ADCY2: variants seen among roughly 807,000 people sequenced by gnomAD.
The protein encoded by ADCY2 is adenylate cyclase 2, also known as adenylate cyclase type 2.
Under a neutral mutation model 125.2 loss-of-function variants are expected in ADCY2, and 31 were observed. That is an observed-to-expected ratio of 0.25 (90% CI 0.19 to 0.33). The LOEUF is 0.33. Ranked by LOEUF, ADCY2 falls within the 10% of genes least tolerant of loss-of-function variation. ADCY2 has a pLI of 1.00. For synonymous variants in ADCY2, 512 were observed against 548.4 expected (o/e 0.93, Z 0.93); for missense variants, 904 against 1,418.2 (o/e 0.64, Z 5.82).
At chr5:7,461,271 C>T (rs1037673349) in intron 2 of ADCY2, among the ~76,000 whole-genome samples, 4 of 152,164 alleles carry the variant, frequency 2.6e-5, no homozygotes, top group Non-Finnish European at 5.9e-5. Flanking sequence ...GAGTGTTGTT[C>T]TTTGGCTGAG....
At chr5:7,636,894 G>A (rs781714151) in intron 4 of ADCY2, among the ~76,000 whole-genome samples, 21 of 152,148 alleles carry the variant, frequency 1.4e-4, no homozygotes, top group Non-Finnish European at 2.4e-4. Context: ...GACAGGAGGT[G>A]CGGAAGCCAT....
intron 3 of ADCY2, among the ~76,000 whole-genome samples, chr5:7,584,522 A>C (rs73048171): frequency 6.6e-6 from 1 of 152,096 alleles, no homozygotes; most frequent in Admixed American, 6.5e-5. Flanking sequence ...AAAAGAAGAA[A>C]GTATAGACAC....
intron 3 of ADCY2, among the ~76,000 whole-genome samples, chr5:7,538,315 A>G (rs1396637904): frequency 6.6e-6 from 1 of 152,174 alleles, no homozygotes; most frequent in African/African-American, 2.4e-5. Flanking sequence ...AATTTTAGTA[A>G]GTGATTTAGC....
rs539753637 is a variant in ADCY2, at chr5:7,599,022, G to A, written c.571-27145G>A. Among the ~76,000 whole-genome samples the A allele has an allele frequency of 7.2e-5, 11 of 152,324 alleles. No individual in the cohort carries two copies. The East Asian group carries it at 1.7e-3, about 24-fold the overall frequency. ...TCCTGACTGAGGCAGGTGGTCTTGC[G>A]CTCATTTGCTGCATTTTGGTGACTT... is the stretch of plus-strand genomic sequence containing the variant. On this transcript the variant is annotated intron_variant, in intron 3 of 24. Coordinates refer to ENST00000338316, the MANE Select transcript of ADCY2 (RefSeq NM_020546.3).
At chr5:7,449,161 A>T (rs1741384802) in intron 2 of ADCY2, among the ~76,000 whole-genome samples, 1 of 152,150 alleles carries the variant, frequency 6.6e-6, no homozygotes, top group South Asian at 2.1e-4. Flanking sequence ...CTTTCTGATA[A>T]TCGCCATTCT....
Position 7,512,218 on chromosome 5 carries a change from CA to C in ADCY2, c.409-8498del, listed in dbSNP as rs57381383. Among the ~76,000 whole-genome samples, 128 of 57,908 alleles carry C rather than the reference CA, an allele frequency of 2.2e-3. No homozygotes were observed. In the Middle Eastern group the frequency reaches 0.039, roughly 18 times the overall value. 38.0% of individuals were successfully genotyped at this position (57,908 alleles called of 152,430 possible). A position where few individuals can be genotyped will look rare whatever the true frequency, so the allele number is the denominator to read the frequency against. ...CCTGGGCAGTAGAGCATGACTCCATCAAAAAAAAAAAAAAAAAAAAAAGAAA... is the reference window on the plus strand; with the variant it reads ...CCTGGGCAGTAGAGCATGACTCCATCAAAAAAAAAAAAAAAAAAAAAGAAA... On this transcript the variant is annotated intron_variant, in intron 2 of 24. Coordinates refer to ENST00000338316, the MANE Select transcript of ADCY2 (RefSeq NM_020546.3).
At chr5:7,478,599 A>G (rs1742604240) in intron 2 of ADCY2, among the ~76,000 whole-genome samples, 1 of 152,180 alleles carries the variant, frequency 6.6e-6, no homozygotes, top group Non-Finnish European at 1.5e-5. Flanking sequence ...TTTGTCAGCT[A>G]ATGTTTTATG....
At chr5:7,590,971 G>A (rs1193046429) in intron 3 of ADCY2, among the ~76,000 whole-genome samples, 1 of 152,050 alleles carries the variant, frequency 6.6e-6, no homozygotes, top group Non-Finnish European at 1.5e-5. Flanking sequence ...CAAATCCATG[G>A]ATTCTTATAT....
At chr5:7,600,853 G>T (rs1348952443) in intron 3 of ADCY2, among the ~76,000 whole-genome samples, 1 of 152,162 alleles carries the variant, frequency 6.6e-6, no homozygotes, top group Non-Finnish European at 1.5e-5. Flanking sequence ...TTAGAGTGAA[G>T]CCAGGCCATA....
chr5:7,481,824 T>C (rs1438132557), intron 2 of ADCY2, among the ~76,000 whole-genome samples: 1 of 152,140 alleles, frequency 6.6e-6, no homozygotes, highest in Non-Finnish European at 1.5e-5. Flanking sequence ...GATGTAATCC[T>C]ATTTGTCCAT....
At chr5:7,478,499 G>A (rs1236697128) in intron 2 of ADCY2, among the ~76,000 whole-genome samples, 1 of 152,114 alleles carries the variant, frequency 6.6e-6, no homozygotes, top group African/African-American at 2.4e-5. Context: ...TCAAATATCT[G>A]TTGAATGAAT....
chr5:7,679,730 G>A (rs867452746), intron 4 of ADCY2, among the ~76,000 whole-genome samples: 2 of 152,178 alleles, frequency 1.3e-5, no homozygotes, highest in African/African-American at 4.8e-5. Flanking sequence ...ATAAACGGAG[G>A]GACAGCTTTT....
intron 22 of ADCY2, among the ~76,000 whole-genome samples, chr5:7,814,080 A>G (rs1745029171): frequency 6.6e-6 from 1 of 152,170 alleles, no homozygotes; most frequent in Admixed American, 6.5e-5. Context: ...TTAAGAAATG[A>G]CATTCTGAAA....
chr5:7,592,109 T>C (rs1166798472), intron 3 of ADCY2, among the ~76,000 whole-genome samples: 1 of 152,240 alleles, frequency 6.6e-6, no homozygotes, highest in Non-Finnish European at 1.5e-5. Context: ...GGTATGCACA[T>C]ATGGCTCTTT....
At chr5:7,538,009 G>A (rs554441327) in intron 3 of ADCY2, among the ~76,000 whole-genome samples, 5 of 152,216 alleles carry the variant, frequency 3.3e-5, no homozygotes, top group South Asian at 2.1e-4. Context: ...GCTCACATTC[G>A]AGCTCTCAGA....
chr5:7,761,190 C>T (rs1318108230), intron 16 of ADCY2, among the ~76,000 whole-genome samples: 2 of 114,502 alleles, frequency 1.7e-5, no homozygotes, highest in Non-Finnish European at 3.3e-5. Context: ...CGCCCTGTCA[C>T]CCAGGCTGGA....
intron 4 of ADCY2, among the ~76,000 whole-genome samples, chr5:7,686,389 C>T (rs11745551): frequency 2.8e-3 from 432 of 152,190 alleles, no homozygotes; most frequent in Non-Finnish European, 3.9e-3. Context: ...TTTAAAAGAA[C>T]AAGTTCTAAG....
chr5:7,416,961 A>G (rs1579422436), intron 2 of ADCY2, among the ~76,000 whole-genome samples: 1 of 152,122 alleles, frequency 6.6e-6, no homozygotes, highest in Non-Finnish European at 1.5e-5. Context: ...TTTATTACGG[A>G]TCAGTTTGTC....
At chr5:7,521,784 G>A (rs1258031717) in intron 3 of ADCY2, among the ~76,000 whole-genome samples, 1 of 152,180 alleles carries the variant, frequency 6.6e-6, no homozygotes, top group Non-Finnish European at 1.5e-5. Flanking sequence ...GTCTATAGTA[G>A]TCTCTCTCAG....
Sources: allele counts gnomAD v4.1 joint callset (sites outside exome capture counted in the v4.1 genomes callset), GRCh38; gene constraint gnomAD v4.1.1; transcripts MANE v1.5; gene names NCBI Gene and HGNC (gene_info 2026-07-23, HGNC 2026-07-21).